DLC1: variants seen among roughly 807,000 people sequenced by gnomAD.
DLC1 encodes the protein rho GTPase-activating protein 7.
A neutral mutation model predicts 140.3 loss-of-function variants in DLC1; 54 were observed. That is an observed-to-expected ratio of 0.38 (90% CI 0.31 to 0.48). DLC1 has a LOEUF of 0.48. DLC1 is among the 20% of genes least tolerant of loss of function. DLC1 has a pLI of 0.96. For missense variants in DLC1, 2,536 were observed against 1,907.0 expected, an observed-to-expected ratio of 1.33 and a Z score of -6.14; for synonymous variants, 986 against 728.1, an observed-to-expected ratio of 1.35 and a Z score of -5.70.
chr8:13,180,317 CT>C (rs1311171299), intron 5 of DLC1, among the ~76,000 whole-genome samples: 1 of 152,078 alleles, frequency 6.6e-6, no homozygotes, highest in Non-Finnish European at 1.5e-5. Context: ...ATCATTAGCC[CT>C]TGAAGGGAAG....
At chr8:13,365,351 T>C (rs895118620) in intron 4 of DLC1, among the ~76,000 whole-genome samples, 4 of 152,142 alleles carry the variant, frequency 2.6e-5, no homozygotes, top group African/African-American at 9.7e-5. Context: ...TCCACGCCTT[T>C]GGTGGTAAGT....
chr8:13,320,507 G>C (rs1193633656), intron 4 of DLC1, among the ~76,000 whole-genome samples: 1 of 152,118 alleles, frequency 6.6e-6, no homozygotes, highest in Non-Finnish European at 1.5e-5. Flanking sequence ...TAATAGAGCA[G>C]GGTCTCAAAG....
chr8:13,129,659 A>C (rs1344107447), intron 5 of DLC1, among the ~76,000 whole-genome samples: 2 of 152,196 alleles, frequency 1.3e-5, no homozygotes, highest in Admixed American at 6.5e-5. Flanking sequence ...ACAAATGAAA[A>C]TCACCTTTCT....
intron 1 of DLC1, among the ~76,000 whole-genome samples, chr8:13,597,649 G>A (rs1423909578): frequency 2.0e-5 from 3 of 151,956 alleles, no homozygotes; most frequent in African/African-American, 4.8e-5. Flanking sequence ...GGAATTATGG[G>A]ATGCACACAC....
chr8:13,539,566 C>T (rs760331741), intron 1 of DLC1, among the ~76,000 whole-genome samples: 9 of 152,084 alleles, frequency 5.9e-5, no homozygotes, highest in East Asian at 1.9e-4. Flanking sequence ...GAACAGGAGG[C>T]GCAGTGCCCT....
chr8:13,561,503 A>AT (rs527496000), intron 1 of DLC1, among the ~76,000 whole-genome samples: 1 of 152,136 alleles, frequency 6.6e-6, no homozygotes, highest in Non-Finnish European at 1.5e-5. Context: ...GCTTAAACTT[A>AT]TTTTTTTAAT....
At chr8:13,102,669 G>A (rs1307067012) in intron 8 of DLC1, 121 bp downstream of exon 8, 3 of 865,404 alleles carry the variant, frequency 3.5e-6, no homozygotes, top group Non-Finnish European at 5.8e-6. Context: ...CATTCAAGAT[G>A]TAGATGCTTA....
chr8:13,467,585 G>T (rs995062427), intron 2 of DLC1, among the ~76,000 whole-genome samples: 34 of 151,960 alleles, frequency 2.2e-4, no homozygotes, highest in African/African-American at 7.2e-4. Context: ...CAAAAAATCA[G>T]CCAAGTGTGA....
intron 1 of DLC1, among the ~76,000 whole-genome samples, chr8:13,592,251 T>G (rs1805538769): frequency 6.6e-6 from 1 of 152,124 alleles, no homozygotes; most frequent in Non-Finnish European, 1.5e-5. Flanking sequence ...CCTCCTTCCC[T>G]TACATTTTCT....
intron 4 of DLC1, among the ~76,000 whole-genome samples, chr8:13,347,952 G>A (rs980251396): frequency 2.0e-5 from 3 of 152,222 alleles, no homozygotes; most frequent in African/African-American, 7.2e-5. Context: ...AGCCGGGCAT[G>A]GTGGCAGGCA....
chr8:13,125,809 C>G (rs1035030827), intron 5 of DLC1, among the ~76,000 whole-genome samples: 4 of 151,562 alleles, frequency 2.6e-5, no homozygotes, highest in African/African-American at 9.7e-5. Context: ...AAGAACATTC[C>G]TAGAAATTAT....
chr8:13,306,890 C>T (rs1003938705), intron 4 of DLC1, among the ~76,000 whole-genome samples: 2 of 151,438 alleles, frequency 1.3e-5, no homozygotes, highest in African/African-American at 4.8e-5. Flanking sequence ...TCGAGACCAG[C>T]CTGACTAGCA....
intron 5 of DLC1, among the ~76,000 whole-genome samples, chr8:13,270,927 C>CA (rs763911905): frequency 5.9e-5 from 9 of 152,150 alleles, no homozygotes; most frequent in Non-Finnish European, 1.2e-4. Context: ...AAAACCATTT[C>CA]ATGACGTAGG....
intron 2 of DLC1, among the ~76,000 whole-genome samples, chr8:13,465,154 G>A (rs991051332): frequency 9.2e-5 from 14 of 152,090 alleles, no homozygotes; most frequent in African/African-American, 3.1e-4. Context: ...TGTTGTCCGT[G>A]GTCTTTTGGA....
intron 5 of DLC1, among the ~76,000 whole-genome samples, chr8:13,143,808 A>G (rs1427386481): frequency 1.1e-5 from 1 of 93,756 alleles, no homozygotes; most frequent in Non-Finnish European, 2.2e-5. Context: ...GACCAAATGA[A>G]AAGCTGAGAG....
intron 5 of DLC1, among the ~76,000 whole-genome samples, chr8:13,194,565 T>C (rs1282034806): frequency 6.6e-6 from 1 of 152,156 alleles, no homozygotes; most frequent in Non-Finnish European, 1.5e-5. Flanking sequence ...CACACCTGAT[T>C]TGGAAGAAAG....
chr8:13,495,114 A>G (rs759249135), intron 2 of DLC1, among the ~76,000 whole-genome samples: 34 of 152,216 alleles, frequency 2.2e-4, no homozygotes, highest in Admixed American at 4.6e-4. Flanking sequence ...TTGCTTTGTA[A>G]TATGGATTAT....
intron 4 of DLC1, among the ~76,000 whole-genome samples, chr8:13,376,701 T>G (rs1836007058): frequency 6.6e-6 from 1 of 152,210 alleles, no homozygotes; most frequent in Non-Finnish European, 1.5e-5. Context: ...TCTGTAGAAT[T>G]CTGCTTCAGG....
chr8:13,145,441 T>G (rs1002177803), intron 5 of DLC1, among the ~76,000 whole-genome samples: 5 of 152,210 alleles, frequency 3.3e-5, no homozygotes, highest in Non-Finnish European at 7.4e-5. Flanking sequence ...TAGAAAGGTG[T>G]GTTACTACAA....
Sources: gnomAD v4.1 joint callset for allele counts (sites outside exome capture counted in the v4.1 genomes callset) on GRCh38, gnomAD v4.1.1 for gene constraint, MANE v1.5 for transcripts, NCBI Gene and HGNC (gene_info 2026-07-23, HGNC 2026-07-21) for gene names.